The following ZSWIM4 variants were observed in gnomAD, a reference collection of about 807,000 sequenced individuals.
The protein encoded by ZSWIM4 is zinc finger SWIM-type containing 4, also known as zinc finger SWIM domain-containing protein 4.
Under a neutral mutation model 102.5 loss-of-function variants are expected in ZSWIM4, and 62 were observed. That is an observed-to-expected ratio of 0.60 (90% CI 0.49 to 0.75). ZSWIM4 has a LOEUF of 0.75. Among genes scored for constraint, ZSWIM4 ranks in the 30% least tolerant of loss-of-function variants. The probability of loss-of-function intolerance (pLI) is 0.00; values close to 1 mark genes in which losing one functional copy is unlikely to be tolerated. For synonymous variants in ZSWIM4, 652 were observed against 674.5 expected (o/e 0.97, Z 0.52); for missense variants, 1,280 against 1,529.6 (o/e 0.84, Z 2.72).
intron 5 of ZSWIM4, among the ~76,000 whole-genome samples, chr19:13,810,361 C>T (rs1975044863): frequency 1.3e-5 from 2 of 151,496 alleles, no homozygotes; most frequent in Non-Finnish European, 2.9e-5. Context: ...GGCACGATCT[C>T]GGCTCACTGC....
Position 13,795,815 on chromosome 19 carries a change from A to T in ZSWIM4, c.153+14A>T. The T allele has an allele frequency of 8.1e-7, 1 of 1,241,424 alleles. No homozygotes were observed. Among genetic ancestry groups the T allele is most frequent in the Non-Finnish European group, 1.0e-6 (1 of 990,614 alleles). 76.9% of individuals were successfully genotyped at this position (1,241,424 alleles called of 1,614,324 possible). A position where few individuals can be genotyped will look rare whatever the true frequency, so the allele number is the denominator to read the frequency against. On this transcript the variant is annotated intron_variant, in intron 1 of 13. Coordinates refer to ENST00000590508, the MANE Select transcript of ZSWIM4 (RefSeq NM_001367834.3). ...GCCTTCGAGCAGGTGACCGCGGGGG[A>T]AGGGGGCGGGGGCAGGGACGCACCC...
intron 5 of ZSWIM4, among the ~76,000 whole-genome samples, chr19:13,812,734 T>C (rs1975140367): frequency 6.6e-6 from 1 of 151,284 alleles, no homozygotes; most frequent in African/African-American, 2.4e-5. Context: ...CCTTCCAGAG[T>C]GCTGGGATTA....
rs374954569 is a variant in ZSWIM4, at chr19:13,817,368, T to G, written c.1669+15T>G. On this transcript the variant is annotated intron_variant, in intron 8 of 13. Transcript: ENST00000590508. Reference sequence around the variant, plus strand: ...CCTTTACCCAGGTACTCACATGGGGTACTCTTGGAGGAGGTGGGACAACCC... The same window carrying G: ...CCTTTACCCAGGTACTCACATGGGGGACTCTTGGAGGAGGTGGGACAACCC... 71 of 1,607,846 alleles carry G rather than the reference T, an allele frequency of 4.4e-5. 1 individual carries two copies. The African/African-American group carries it at 8.8e-4, about 20-fold the overall frequency.
At position 13,825,757 on chromosome 19, in the gene ZSWIM4, G is replaced by T; in HGVS notation, c.2379+44G>T. ...ATGCGGGAGGGCGATGGTGGCTCGG[G>T]GCCAGGACTGACTGTGAGCTGCGCC... On this transcript the variant is annotated intron_variant, in intron 12 of 13. Transcript: ENST00000590508. This position sits in a 1 kb window ranked among gnomAD's most constrained non-coding sequence, Gnocchi z 4.6. 1 of 1,573,410 alleles carries T rather than the reference G, an allele frequency of 6.4e-7. No individual in the cohort carries two copies. Among genetic ancestry groups the T allele is most frequent in the Non-Finnish European group, 8.6e-7 (1 of 1,164,112 alleles).
chr19:13,805,195 C>T, intron 3 of ZSWIM4, 47 bp downstream of exon 3: 1 of 1,495,930 alleles, frequency 6.7e-7, no homozygotes, highest in African/African-American at 1.4e-5. Context: ...CCCAAGCGCA[C>T]AGCCACGCCA....
At chr19:13,805,369 G>T (rs1352218193) in intron 3 of ZSWIM4, among the ~76,000 whole-genome samples, 1 of 152,140 alleles carries the variant, frequency 6.6e-6, no homozygotes, top group Non-Finnish European at 1.5e-5. Context: ...CAGCCTACGG[G>T]CAGAGGGCGA....
chr19:13,799,973 G>T lies in ZSWIM4; in HGVS notation c.355+52G>T, dbSNP rs1318020407. On this transcript the variant is annotated intron_variant, in intron 2 of 13. Coordinates refer to ENST00000590508, the MANE Select transcript of ZSWIM4 (RefSeq NM_001367834.3). Reference sequence around the variant, plus strand: ...GGGGAGGCCAGGAGGTCCATACCAGGCCTGGAAATGGGGGAGTTGGAGGGA... The same window carrying T: ...GGGGAGGCCAGGAGGTCCATACCAGTCCTGGAAATGGGGGAGTTGGAGGGA... The T allele has an allele frequency of 3.2e-6, 5 of 1,554,408 alleles. No individual in the cohort carries two copies. The South Asian group carries it at 3.4e-5, about 11-fold the overall frequency.
intron 12 of ZSWIM4, among the ~76,000 whole-genome samples, chr19:13,826,653 T>C (rs1975619118): frequency 6.6e-6 from 1 of 152,064 alleles, no homozygotes; most frequent in Non-Finnish European, 1.5e-5. Flanking sequence ...TAATCCCAGC[T>C]ACTCGGGAGG....
intron 5 of ZSWIM4, among the ~76,000 whole-genome samples, chr19:13,810,099 A>T (rs1197150055): frequency 5.4e-5 from 8 of 148,038 alleles, no homozygotes; most frequent in Non-Finnish European, 1.2e-4. Flanking sequence ...GGTTCACACC[A>T]TTCTCCTGCC....
At position 13,825,872 on chromosome 19, in the gene ZSWIM4, C is replaced by T. The variant is rs1975596341; in HGVS notation, c.2379+159C>T. 1.3e-5 allele frequency among the ~76,000 whole-genome samples: 2 copies of T among 152,284 alleles called. No homozygotes were observed. The highest frequency in any genetic ancestry group is 4.1e-4 in the South Asian group (2 of 4,826). ...TCTGTGGCTGGGGACTGAGCGAGAA[C>T]CACTCTTGGGGCGGGGACTGTGAGT... On this transcript the variant is annotated intron_variant, in intron 12 of 13. Coordinates refer to ENST00000590508, the MANE Select transcript of ZSWIM4 (RefSeq NM_001367834.3). The surrounding 1 kb of genome is among the most constrained non-coding windows in gnomAD (Gnocchi z 4.6).
chr19:13,802,278 A>AAT, intron 2 of ZSWIM4, among the ~76,000 whole-genome samples: 1 of 145,124 alleles, frequency 6.9e-6, no homozygotes, highest in East Asian at 2.2e-4. Context: ...GCCTGGCCAA[A>AAT]TTTTTTTTTT....
chr19:13,800,331 T>C (rs887901333), intron 2 of ZSWIM4, among the ~76,000 whole-genome samples: 2 of 130,532 alleles, frequency 1.5e-5, no homozygotes, highest in Non-Finnish European at 3.1e-5. Flanking sequence ...AGTGGCGCGA[T>C]CTCGGCTCAC....
chr19:13,796,671 G>T (rs986792612), intron 1 of ZSWIM4: 1 of 152,304 alleles, frequency 6.6e-6, no homozygotes, highest in African/African-American at 2.4e-5. Context: ...CTGGACAGGT[G>T]CACCTAGAAG....
Position 13,819,468 on chromosome 19 carries a change from A to G in ZSWIM4, c.2036A>G (p.Tyr679Cys), listed in dbSNP as rs777608707. The change falls in exon 10 of 14, where the codon TAT becomes TGT. Residue 679 changes from tyrosine (Y) to cysteine (C), a missense_variant. By Grantham distance (194) the Tyr-to-Cys change is radical. Coordinates refer to ENST00000590508, the MANE Select transcript of ZSWIM4 (RefSeq NM_001367834.3). ...ALLPHDPDLAYRLALRAMRLP... is the reference protein window; with the variant it reads ...ALLPHDPDLACRLALRAMRLP... ...CTGCCTCATGACCCGGACCTGGCCT[A>G]TCGCCTCGCGCTGCGAGCTATGAGG... is the stretch of plus-strand genomic sequence containing the variant. The G allele has an allele frequency of 5.0e-6, 8 of 1,606,326 alleles. No individual in the cohort carries two copies. The highest frequency in any genetic ancestry group is 3.4e-5 in the Admixed American group (2 of 58,918).
rs996428681 is a variant in ZSWIM4, at chr19:13,814,776, G to A, written c.1442G>A (p.Arg481His). Residue 481 changes from arginine (R) to histidine (H), a missense_variant, in exon 7 of 14, where the codon CGC becomes CAC. Physicochemically the swap from Arg to His is conservative, Grantham distance 29. Transcript: ENST00000590508. ...VDTLRAHGYP[R>H]QALRLASAII... Reference sequence around the variant, plus strand: ...ACCCTGCGTGCCCACGGATACCCCCGCCAGGCCCTGCGGCTGGCAAGTGCC... The same window carrying A: ...ACCCTGCGTGCCCACGGATACCCCCACCAGGCCCTGCGGCTGGCAAGTGCC... The A allele has an allele frequency of 8.6e-6, 11 of 1,285,912 alleles. No homozygotes were observed. In the African/African-American group the frequency reaches 1.1e-4, roughly 12 times the overall value. The allele number at this position is 1,285,912 out of a possible 1,614,324, so 79.7% of individuals were successfully genotyped here. A position where few individuals can be genotyped will look rare whatever the true frequency, so the allele number is the denominator to read the frequency against.
Position 13,830,514 on chromosome 19 carries a change from A to G in ZSWIM4, c.2785A>G (p.Met929Val), listed in dbSNP as rs1385387471. Reference sequence around the variant, plus strand: ...CCACCTCTTCACTGTGGCCCGCTATATGGAGCACCGCGGGCTGCCGCTCCG... The same window carrying G: ...CCACCTCTTCACTGTGGCCCGCTATGTGGAGCACCGCGGGCTGCCGCTCCG... The part of the protein sequence containing the change: ...HAHLFTVARY[M>V]EHRGLPLRAY... The change falls in exon 14 of 14, where the codon ATG becomes GTG. Residue 929 changes from methionine to valine, a missense_variant. Coordinates refer to ENST00000590508, the MANE Select transcript of ZSWIM4 (RefSeq NM_001367834.3). 3 of 1,599,760 alleles carry G rather than the reference A, an allele frequency of 1.9e-6. No individual in the cohort carries two copies. Among genetic ancestry groups the G allele is most frequent in the African/African-American group, 1.3e-5 (1 of 74,858 alleles).
At chr19:13,813,488 C>T (rs1975167297) in intron 6 of ZSWIM4, among the ~76,000 whole-genome samples, 1 of 151,328 alleles carries the variant, frequency 6.6e-6, no homozygotes, top group South Asian at 2.1e-4. Flanking sequence ...AGGAATCAAA[C>T]AGAAGGGGAA....
chr19:13,823,414 G>A lies in ZSWIM4; in HGVS notation c.2129G>A (p.Ser710Asn). The A allele has an allele frequency of 1.2e-6, 2 of 1,611,866 alleles. No individual in the cohort carries two copies. The highest frequency in any genetic ancestry group is 8.5e-7 in the Non-Finnish European group (1 of 1,178,958). Residue 710 changes from serine (S) to asparagine (N), a missense_variant, in exon 11 of 14, where the codon AGC (serine) becomes AAC (asparagine). Ser to Asn is a conservative substitution (Grantham distance 46). Transcript: ENST00000590508. ...PHPSPLDSIM[S>N]NRFPRWFILG... Reference sequence around the variant, plus strand: ...CCCAGCCCGCTGGACTCCATCATGAGCAACCGCTTCCCCCGCTGGTTCATC... The same window carrying A: ...CCCAGCCCGCTGGACTCCATCATGAACAACCGCTTCCCCCGCTGGTTCATC...
intron 11 of ZSWIM4, among the ~76,000 whole-genome samples, chr19:13,824,093 G>A (rs535992082): frequency 3.3e-5 from 5 of 150,780 alleles, no homozygotes; most frequent in Admixed American, 2.7e-4. Context: ...AGGAGAGATA[G>A]TAGGGGGGGA....
Sources: gnomAD v4.1 joint callset for allele counts (sites outside exome capture counted in the v4.1 genomes callset) on GRCh38, gnomAD v4.1.1 for gene constraint, Gnocchi (gnomAD v3.1) non-coding constraint, MANE v1.5 for transcripts, NCBI Gene and HGNC (gene_info 2026-07-23, HGNC 2026-07-21) for gene names.